The following GLDC variants were observed in gnomAD, a reference collection of about 807,000 sequenced individuals.
GLDC encodes glycine decarboxylase.
GLDC carries 104 observed loss-of-function variants against 121.3 expected under a neutral mutation model. That is an observed-to-expected ratio of 0.86 (90% confidence interval 0.73 to 1.01). The LOEUF is 1.01. Among genes scored for constraint, GLDC ranks in the 50% least tolerant of loss-of-function variants. GLDC has a pLI of 0.00. For synonymous variants in GLDC, 546 were observed against 480.6 expected, an observed-to-expected ratio of 1.14 and a Z score of -1.78; for missense variants, 1,429 against 1,306.6, an observed-to-expected ratio of 1.09 and a Z score of -1.44.
intron 15 of GLDC, among the ~76,000 whole-genome samples, chr9:6,568,293 T>A (rs186616154): frequency 1.3e-5 from 2 of 152,364 alleles, no homozygotes; most frequent in African/African-American, 4.8e-5. Context: ...CAAGGATTAC[T>A]ACTGGGGCAT....
At chr9:6,643,051 C>G (rs969510884) in intron 2 of GLDC, among the ~76,000 whole-genome samples, 6 of 152,074 alleles carry the variant, frequency 3.9e-5, no homozygotes, top group African/African-American at 1.4e-4. Flanking sequence ...GCGCACACCA[C>G]CACACCCGGC....
In GLDC at chr9:6,607,060, C is replaced by A. The variant is rs143361686; in HGVS notation, c.636-391G>T. 2.9e-4 allele frequency among the ~76,000 whole-genome samples: 44 copies of A among 151,708 alleles called. No homozygotes were observed. The East Asian group carries it at 7.0e-3, about 24-fold the overall frequency. ...CATCCTGCGTAAGACGAGCAAAACT[C>A]TGTCTCAAAAAAAAAATTTAAAAAA... is the stretch of plus-strand genomic sequence containing the variant. On this transcript the variant is annotated intron_variant, in intron 4 of 24. Transcript: ENST00000321612.
At chr9:6,638,258 G>T (rs751283404) in intron 2 of GLDC, among the ~76,000 whole-genome samples, 14 of 151,640 alleles carry the variant, frequency 9.2e-5, no homozygotes, top group Non-Finnish European at 1.6e-4. Flanking sequence ...CGCCCAGGCT[G>T]GAGTGCAATG....
At chr9:6,563,122 G>C (rs1817790540) in intron 16 of GLDC, among the ~76,000 whole-genome samples, 1 of 152,204 alleles carries the variant, frequency 6.6e-6, no homozygotes, top group Non-Finnish European at 1.5e-5. Context: ...CACAAAGAGA[G>C]GGAACAGGAA....
At chr9:6,567,649 C>T (rs1396954753) in intron 15 of GLDC, among the ~76,000 whole-genome samples, 1 of 152,212 alleles carries the variant, frequency 6.6e-6, no homozygotes, top group Non-Finnish European at 1.5e-5. Flanking sequence ...ATTCCAAGAA[C>T]ACTGACATAA....
At chr9:6,573,147 C>T (rs757762912) in intron 15 of GLDC, among the ~76,000 whole-genome samples, 3 of 152,116 alleles carry the variant, frequency 2.0e-5, no homozygotes, top group African/African-American at 2.4e-5. Flanking sequence ...TGGTGGCTCA[C>T]GCCTGTAATC....
intron 20 of GLDC, among the ~76,000 whole-genome samples, chr9:6,551,527 TA>T (rs1381728584): frequency 6.6e-6 from 1 of 152,180 alleles, no homozygotes; most frequent in African/African-American, 2.4e-5. Flanking sequence ...GGAGTTGGCA[TA>T]TATATTAAAT....
chr9:6,645,411 C>A lies in GLDC; in HGVS notation c.89G>T (p.Trp30Leu). Residue 30 changes from tryptophan to leucine, a missense_variant, in exon 1 of 25, where the codon TGG (tryptophan) becomes TTG (leucine). Physicochemically the swap from Trp to Leu is moderately conservative, Grantham distance 61. Coordinates refer to ENST00000321612, the MANE Select transcript of GLDC (RefSeq NM_000170.3). ...GCTGCTGTCCCGGCTCCGCGGCGCCCAGCACGGCCCCGATCCCCCAGCCAG... is the reference window on the plus strand; with the variant it reads ...GCTGCTGTCCCGGCTCCGCGGCGCCAAGCACGGCCCCGATCCCCCAGCCAG... ...RRLAGGSGPC[W>L]APRSRDSSSG... 7.1e-7 allele frequency: 1 copy of A among 1,412,474 alleles called. No homozygotes were observed. The highest frequency in any genetic ancestry group is 9.2e-7 in the Non-Finnish European group (1 of 1,081,934). The allele number at this position is 1,412,474 out of a possible 1,614,324, so 87.5% of individuals were successfully genotyped here. A position where few individuals can be genotyped will look rare whatever the true frequency, so the allele number is the denominator to read the frequency against.
chr9:6,540,268 A>G (rs1170617015), intron 21 of GLDC, 122 bp from the exon 22 acceptor site: 1 of 731,816 alleles, frequency 1.4e-6, no homozygotes, highest in African/African-American at 1.8e-5. Context: ...GAGGACCAAG[A>G]AGCCATGGGC....
At position 6,587,158 on chromosome 9, in the gene GLDC, G is replaced by C. The variant is rs1818287864; in HGVS notation, c.1833C>G (p.Val611=). 1.2e-6 allele frequency: 2 copies of C among 1,613,504 alleles called. No individual in the cohort carries two copies. Among genetic ancestry groups the C allele is most frequent in the Non-Finnish European group, 8.5e-7 (1 of 1,179,816 alleles). Residue 611 remains valine, a synonymous_variant, in exon 15 of 25, where the codon GTC becomes GTG. Coordinates refer to ENST00000321612, the MANE Select transcript of GLDC (RefSeq NM_000170.3). ...DLCELTGYDQ[V]CFQPNSGAQG... Reference sequence around the variant, plus strand: ...GCCCTTACCTGTTTGGCTGGAAACAGACCTGGTCATAACCTGTGAGTTCAC... The same window carrying C: ...GCCCTTACCTGTTTGGCTGGAAACACACCTGGTCATAACCTGTGAGTTCAC...
At chr9:6,599,109 G>C (rs146279088) in intron 8 of GLDC, among the ~76,000 whole-genome samples, 7 of 151,770 alleles carry the variant, frequency 4.6e-5, no homozygotes, top group Non-Finnish European at 7.4e-5. Context: ...GCTTGAACCC[G>C]GAAGACGGAG....
chr9:6,546,634 AT>A (rs370336955), intron 21 of GLDC, among the ~76,000 whole-genome samples: 14 of 148,294 alleles, frequency 9.4e-5, no homozygotes, highest in African/African-American at 4.9e-5. Flanking sequence ...TACAGTTAAC[AT>A]TTTTTTTTTA....
intron 15 of GLDC, among the ~76,000 whole-genome samples, chr9:6,579,763 C>A (rs1254569770): frequency 6.6e-6 from 1 of 152,226 alleles, no homozygotes; most frequent in East Asian, 1.9e-4. Flanking sequence ...AACTAGCTGA[C>A]TTTGCCTCAC....
At chr9:6,619,661 G>C (rs997712738) in intron 3 of GLDC, among the ~76,000 whole-genome samples, 2 of 152,220 alleles carry the variant, frequency 1.3e-5, no homozygotes, top group Non-Finnish European at 1.5e-5. Flanking sequence ...CTGGGAGGCA[G>C]AGGTTGCAGT....
chr9:6,608,896 T>TA (rs1161835556), intron 4 of GLDC, among the ~76,000 whole-genome samples: 1 of 152,080 alleles, frequency 6.6e-6, no homozygotes, highest in Non-Finnish European at 1.5e-5. Context: ...TGGCTGTGTG[T>TA]CCCTGACAGA....
intron 24 of GLDC, chr9:6,534,230 C>T (rs566897426): frequency 2.2e-4 from 35 of 155,556 alleles, no homozygotes; most frequent in South Asian, 7.9e-4. Flanking sequence ...CATTTTGTTT[C>T]CTCTCCTCTC....
chr9:6,629,831 G>A (rs185760411), intron 2 of GLDC, among the ~76,000 whole-genome samples: 3 of 149,588 alleles, frequency 2.0e-5, no homozygotes, highest in African/African-American at 7.5e-5. Flanking sequence ...AATTATATGT[G>A]CATCTGTTTA....
At chr9:6,542,722 C>G (rs997487744) in intron 21 of GLDC, among the ~76,000 whole-genome samples, 4 of 148,018 alleles carry the variant, frequency 2.7e-5, no homozygotes, top group Admixed American at 1.3e-4. Flanking sequence ...CTTGTTTCTA[C>G]AAAAAAACAA....
At chr9:6,538,683 G>A (rs1817189329) in intron 22 of GLDC, among the ~76,000 whole-genome samples, 2 of 152,188 alleles carry the variant, frequency 1.3e-5, no homozygotes, top group African/African-American at 4.8e-5. Flanking sequence ...GAAACACTGG[G>A]TGGTGACTTC....
Sources: gnomAD v4.1 joint callset for allele counts (sites outside exome capture counted in the v4.1 genomes callset) on GRCh38, gnomAD v4.1.1 for gene constraint, MANE v1.5 for transcripts, NCBI Gene and HGNC (gene_info 2026-07-23, HGNC 2026-07-21) for gene names.